The following RMP64 variants were observed in gnomAD, a reference collection of about 807,000 sequenced individuals.
The protein encoded by RMP64 is nucleolus and neural progenitor protein.
the RMP64 span, chr3:113,012,574 G>T: frequency 2.0e-6 from 1 of 498,718 alleles, no homozygotes. Flanking sequence ...TCAGCACTCG[G>T]CTTCCCAATC....
chr3:113,010,148 C>T, the RMP64 span, among the ~76,000 whole-genome samples: 1 of 152,068 alleles, frequency 6.6e-6, no homozygotes, highest in South Asian at 2.1e-4. Context: ...CCAAAATGAC[C>T]GTAGCTAATA....
chr3:113,014,240 A>C, the RMP64 span: 1 of 459,332 alleles, frequency 2.2e-6, no homozygotes, highest in African/African-American at 2.0e-5. Context: ...AGCCAAACAC[A>C]TTTTTAAAAT....
the RMP64 span, among the ~76,000 whole-genome samples, chr3:113,018,819 C>T: frequency 1.3e-5 from 2 of 152,164 alleles, no homozygotes; most frequent in South Asian, 2.1e-4. Context: ...CTTTTATCTC[C>T]ATTTGAAAGT....
the RMP64 span, chr3:113,008,723 C>G: frequency 3.9e-6 from 1 of 255,512 alleles, no homozygotes; most frequent in Non-Finnish European, 7.6e-6. Context: ...TTCCTTATGT[C>G]TTTAAAAACT....
the RMP64 span, chr3:113,004,894 C>T: frequency 6.6e-6 from 1 of 152,124 alleles, no homozygotes. Context: ...ATCACTGGTA[C>T]CCAAATAAAT....
At chr3:113,017,401 A>C in the RMP64 span, 112 of 1,527,756 alleles carry the variant, frequency 7.3e-5, no homozygotes, top group Non-Finnish European at 9.5e-5. Context: ...AGTGTGATCT[A>C]CATTTTCAAG....
the RMP64 span, chr3:113,012,641 C>G: frequency 2.6e-6 from 2 of 769,048 alleles, no homozygotes; most frequent in Non-Finnish European, 4.5e-6. Flanking sequence ...CTTCCATAAC[C>G]CCATAAGAAA....
At chr3:113,006,103 T>C in the RMP64 span, 885 of 809,282 alleles carry the variant, frequency 1.1e-3, 7 homozygotes, top group South Asian at 8.4e-3. Context: ...ACACAACTTA[T>C]CTACAAGTCC....
chr3:113,013,799 C>A, the RMP64 span: 1 of 667,908 alleles, frequency 1.5e-6, no homozygotes, highest in East Asian at 2.6e-5. Context: ...AAGATTACCA[C>A]AAACACCAGG....
the RMP64 span, chr3:113,011,059 T>C: frequency 2.5e-6 from 4 of 1,597,724 alleles, no homozygotes; most frequent in Non-Finnish European, 3.4e-6. Context: ...GAAGACTCTC[T>C]TATTCTTTAC....
the RMP64 span, among the ~76,000 whole-genome samples, chr3:113,016,321 T>C: frequency 6.6e-6 from 1 of 152,108 alleles, no homozygotes; most frequent in East Asian, 1.9e-4. Flanking sequence ...TCAGTTATGA[T>C]AGTAAGACAA....
At chr3:113,013,120 T>C in the RMP64 span, 1 of 782,008 alleles carries the variant, frequency 1.3e-6, no homozygotes, top group East Asian at 2.7e-5. Flanking sequence ...CATCAGGCAA[T>C]TCCTGAGAAA....
chr3:113,004,379 T>TA, the RMP64 span: 1 of 152,082 alleles, frequency 6.6e-6, no homozygotes, highest in South Asian at 2.1e-4. Context: ...TCAAAAAGTC[T>TA]AAAGTTTGAG....
the RMP64 span, chr3:113,010,700 CTCT>C: frequency 1.2e-6 from 2 of 1,612,992 alleles, no homozygotes; most frequent in Non-Finnish European, 1.7e-6. Context: ...ATTCTGATGA[CTCT>C]TCTGTGGAGG....
At chr3:113,005,098 G>C in the RMP64 span, 3 of 199,980 alleles carry the variant, frequency 1.5e-5, no homozygotes, top group African/African-American at 7.0e-5. Flanking sequence ...GCGGACCTAT[G>C]TATAATGGAG....
chr3:113,011,231 G>T, the RMP64 span: 1 of 1,612,134 alleles, frequency 6.2e-7, no homozygotes, highest in Non-Finnish European at 8.5e-7. Context: ...AAAGCTATAG[G>T]CATTTTTTTC....
At chr3:113,013,116 G>A in the RMP64 span, 1 of 748,946 alleles carries the variant, frequency 1.3e-6, no homozygotes, top group South Asian at 1.8e-5. Context: ...GCTGCATCAG[G>A]CAATTCCTGA....
the RMP64 span, among the ~76,000 whole-genome samples, chr3:113,006,923 G>A: frequency 6.6e-6 from 1 of 152,242 alleles, no homozygotes; most frequent in East Asian, 1.9e-4. Flanking sequence ...TGTTATTATG[G>A]ACATTAAATA....
At chr3:113,007,667 T>C in the RMP64 span, among the ~76,000 whole-genome samples, 1 of 147,656 alleles carries the variant, frequency 6.8e-6, no homozygotes, top group Non-Finnish European at 1.5e-5. Context: ...AGAAAAGAAA[T>C]ATAGATAGAG....
Sources: gnomAD v4.1 joint callset for allele counts (sites outside exome capture counted in the v4.1 genomes callset) on GRCh38, gnomAD v4.1.1 for gene constraint, MANE v1.5 for transcripts, NCBI Gene and HGNC (gene_info 2026-07-23, HGNC 2026-07-21) for gene names.